COL1A1: variants seen among roughly 807,000 people sequenced by gnomAD.
The protein encoded by COL1A1 is collagen type I alpha 1 chain.
A neutral mutation model predicts 195.7 loss-of-function variants in COL1A1; 21 were observed. That is an observed-to-expected ratio of 0.11 (90% CI 0.08 to 0.15). COL1A1 has a LOEUF of 0.15. COL1A1 is among the 10% of genes least tolerant of loss of function. The pLI, the probability that COL1A1 is intolerant of heterozygous loss-of-function variation, is 1.00. For missense variants in COL1A1, 1,365 were observed against 2,051.0 expected, an observed-to-expected ratio of 0.67 and a Z score of 6.46; for synonymous variants, 749 against 747.3, an observed-to-expected ratio of 1.00 and a Z score of -0.04.
At chr17:50,193,639 A>C (rs751179369) in intron 25 of COL1A1, 1 of 387,864 alleles carries the variant, frequency 2.6e-6, no homozygotes, top group Non-Finnish European at 4.9e-6. Flanking sequence ...ACACCACCAC[A>C]CCCAGCTAAT....
Position 50,199,465 on chromosome 17 carries a change from G to A in COL1A1, c.334-12C>T, listed in dbSNP as rs1331653493. ...TCTCCCTTGGGTCCCTGTGGGATTGGGGGAGAAGAAACAAGAGGCCAGGTT... is the reference window on the plus strand; with the variant it reads ...TCTCCCTTGGGTCCCTGTGGGATTGAGGGAGAAGAAACAAGAGGCCAGGTT... On this transcript the variant is annotated splice_polypyrimidine_tract_variant and intron_variant, in intron 3 of 50. Coordinates refer to ENST00000225964, the MANE Select transcript of COL1A1 (RefSeq NM_000088.4). The A allele has an allele frequency of 6.2e-7, 1 of 1,614,198 alleles. No individual in the cohort carries two copies. The highest frequency in any genetic ancestry group is 8.5e-7 in the Non-Finnish European group (1 of 1,180,008).
At chr17:50,191,026 G>T (rs570137554) in intron 32 of COL1A1, 102 bp from the exon 33 acceptor site, 6 of 1,099,002 alleles carry the variant, frequency 5.5e-6, no homozygotes, top group East Asian at 5.0e-5. Context: ...CTGCAGCTCT[G>T]CCCTGCCTCC....
In COL1A1 at chr17:50,190,687, C is replaced by T; in HGVS notation, c.2344-91G>A. On this transcript the variant is annotated intron_variant, in intron 33 of 50. Coordinates refer to ENST00000225964, the MANE Select transcript of COL1A1 (RefSeq NM_000088.4). The surrounding 1 kb of genome is among the most constrained non-coding windows in gnomAD (Gnocchi z 4.7). Reference sequence around the variant, plus strand: ...AGGAGAGCCTCCCCTCCTTCTGGTCCCTCCAGGTTCCCAGGTTGACAGCTC... The same window carrying T: ...AGGAGAGCCTCCCCTCCTTCTGGTCTCTCCAGGTTCCCAGGTTGACAGCTC... 2 of 1,519,256 alleles carry T rather than the reference C, an allele frequency of 1.3e-6. No homozygotes were observed. The highest frequency in any genetic ancestry group is 1.8e-6 in the Non-Finnish European group (2 of 1,100,594). The allele number at this position is 1,519,256 out of a possible 1,614,324, so 94.1% of individuals were successfully genotyped here.
At chr17:50,192,739 G>C (rs1165711436) in intron 27 of COL1A1, 46 bp from the exon 28 acceptor site, 4 of 1,613,890 alleles carry the variant, frequency 2.5e-6, no homozygotes, top group Admixed American at 3.3e-5. Flanking sequence ...GAGGAGACGA[G>C]GGGCTGAGGG....
Position 50,191,778 on chromosome 17 carries a change from C to A in COL1A1, c.2127+10G>T, listed in dbSNP as rs954273760. 2.6e-6 allele frequency: 4 copies of A among 1,568,022 alleles called. No individual in the cohort carries two copies. The African/African-American group carries it at 4.1e-5, about 16-fold the overall frequency. Reference sequence around the variant, plus strand: ...GCCACTTGCCAGAGCCCCTTCCACGCTGCCCTCACCTTAGCACCATCGTTG... The same window carrying A: ...GCCACTTGCCAGAGCCCCTTCCACGATGCCCTCACCTTAGCACCATCGTTG... On this transcript the variant is annotated intron_variant, in intron 31 of 50. Transcript: ENST00000225964.
At chr17:50,191,511 C>A (rs1382931572) in intron 31 of COL1A1, 21 bp from the exon 32 acceptor site, 1 of 1,611,730 alleles carries the variant, frequency 6.2e-7, no homozygotes, top group Non-Finnish European at 8.5e-7. Context: ...ACCAAGAAGA[C>A]TGGAGTGAGG....
Position 50,184,156 on chromosome 17 carries a change from A to G in COL1A1, c.*1346T>C. ...CAATCAAAATAATTAAAAACATCTC[A>G]AATTATTATACACATACAAAATAGG... On this transcript the variant is annotated 3_prime_UTR_variant, in exon 51 of 51. Coordinates refer to ENST00000225964, the MANE Select transcript of COL1A1 (RefSeq NM_000088.4). The G allele has an allele frequency of 4.6e-6, 1 of 215,600 alleles. No individual in the cohort carries two copies. Among genetic ancestry groups the G allele is most frequent in the East Asian group, 6.9e-5 (1 of 14,558 alleles). The allele number at this position is 215,600 out of a possible 1,614,324, so 13.4% of individuals were successfully genotyped here.
intron 11 of COL1A1, 29 bp downstream of exon 11, chr17:50,196,981 G>A (rs1163739431): frequency 1.2e-6 from 2 of 1,613,018 alleles, no homozygotes; most frequent in Non-Finnish European, 1.7e-6. Context: ...AGGGACTTGG[G>A]GAGCTTAAAT....
In COL1A1 at chr17:50,189,606, C is replaced by T. The variant is rs1906885275; in HGVS notation, c.2668-68G>A. The T allele has an allele frequency of 1.2e-6, 2 of 1,611,400 alleles. No individual in the cohort carries two copies. Among genetic ancestry groups the T allele is most frequent in the Admixed American group, 1.7e-5 (1 of 59,760 alleles). ...GGTGCATCATTGGGTCCTCAGTCAG[C>T]CCCACCATCCTTCTGGCAGCCCCCA... On this transcript the variant is annotated intron_variant, in intron 38 of 50. Transcript: ENST00000225964. This position sits in a 1 kb window ranked among gnomAD's most constrained non-coding sequence, Gnocchi z 5.5.
intron 9 of COL1A1, among the ~76,000 whole-genome samples, 168 bp from the exon 10 acceptor site, chr17:50,197,401 C>T (rs574755608): frequency 3.9e-5 from 6 of 152,334 alleles, no homozygotes; most frequent in South Asian, 2.1e-4. Flanking sequence ...GTGAAACCTT[C>T]GTTTGGTGAA....
Position 50,191,713 on chromosome 17 carries a change from G to A in COL1A1, c.2127+75C>T, listed in dbSNP as rs373169459. 1.9e-3 allele frequency: 2,813 copies of A among 1,481,104 alleles called. 71 individuals are homozygous for A. In the South Asian group the frequency reaches 0.032, roughly 17 times the overall value. 91.7% of individuals were successfully genotyped at this position (1,481,104 alleles called of 1,614,324 possible). ...ATCTCCATGGCTTTGGTCATGGCCC[G>A]CCATCCCCTGCTGCAGGAGGGGTGA... On this transcript the variant is annotated intron_variant, in intron 31 of 50. Transcript: ENST00000225964.
At chr17:50,187,851 C>G in intron 45 of COL1A1, 25 bp downstream of exon 45, 1 of 1,560,092 alleles carries the variant, frequency 6.4e-7, no homozygotes, top group Non-Finnish European at 8.7e-7. Context: ...AGCATGGGGA[C>G]TGGGGAGGGG....
rs376223717 is a variant in COL1A1, at chr17:50,188,014, C to T, written c.3262-31G>A. 2.8e-5 allele frequency: 45 copies of T among 1,613,740 alleles called. No homozygotes were observed. The highest frequency in any genetic ancestry group is 1.1e-4 in the East Asian group (5 of 44,890). Reference sequence around the variant, plus strand: ...AGAGAGAAAGGGACAAACTGTCAGGCGGAAGTTCCATTGGCATCGAGTGGG... The same window carrying T: ...AGAGAGAAAGGGACAAACTGTCAGGTGGAAGTTCCATTGGCATCGAGTGGG... On this transcript the variant is annotated intron_variant, in intron 44 of 50. Coordinates refer to ENST00000225964, the MANE Select transcript of COL1A1 (RefSeq NM_000088.4). This position sits in a 1 kb window ranked among gnomAD's most constrained non-coding sequence, Gnocchi z 5.6.
chr17:50,199,178 A>C (rs1190848519), intron 5 of COL1A1, 48 bp downstream of exon 5: 5 of 1,430,224 alleles, frequency 3.5e-6, no homozygotes, highest in East Asian at 5.0e-5. Flanking sequence ...CTGCCAAAAA[A>C]CAAAAACAAA....
chr17:50,191,633 A>T, intron 31 of COL1A1, 143 bp from the exon 32 acceptor site: 1 of 1,102,988 alleles, frequency 9.1e-7, no homozygotes. Flanking sequence ...CACAGCCCAG[A>T]CTCCAGGCTG....
chr17:50,188,382 G>GT lies in COL1A1; in HGVS notation c.3207+147dup. The stretch of plus-strand genomic sequence containing the variant: ...GGACTTGGGGCTGAGCTTTAACTCA[G>GT]TTTTTTGGATTAAGGCCCTGACATC... On this transcript the variant is annotated intron_variant, in intron 43 of 50. Transcript: ENST00000225964. This position sits in a 1 kb window ranked among gnomAD's most constrained non-coding sequence, Gnocchi z 5.6. The GT allele has an allele frequency of 1.1e-6, 1 of 932,622 alleles. No homozygotes were observed. The highest frequency in any genetic ancestry group is 1.7e-6 in the Non-Finnish European group (1 of 599,734). The allele number at this position is 932,622 out of a possible 1,614,324, so 57.8% of individuals were successfully genotyped here.
rs759759248 is a variant in COL1A1 at position 50,188,736 on chromosome 17, T to C, written c.3099+6A>G. 2.5e-6 allele frequency: 4 copies of C among 1,613,884 alleles called. No individual in the cohort carries two copies. Among genetic ancestry groups the C allele is most frequent in the Non-Finnish European group, 2.5e-6 (3 of 1,179,944 alleles). On this transcript the variant is annotated splice_donor_region_variant and intron_variant, in intron 42 of 50. Coordinates refer to ENST00000225964, the MANE Select transcript of COL1A1 (RefSeq NM_000088.4). The surrounding 1 kb of genome is among the most constrained non-coding windows in gnomAD (Gnocchi z 5.6). Reference sequence around the variant, plus strand: ...AGGCTGTGGTCATGGAGTGTTGCCATCTTACCTTGGCGCCAGGAGAACCGT... The same window carrying C: ...AGGCTGTGGTCATGGAGTGTTGCCACCTTACCTTGGCGCCAGGAGAACCGT...
chr17:50,188,135 G>T lies in COL1A1; in HGVS notation c.3222C>A (p.Pro1074=). The change falls in exon 44 of 51, where the codon CCC becomes CCA. Residue 1074 remains proline, a synonymous_variant. Transcript: ENST00000225964. The surrounding 1 kb of genome is among the most constrained non-coding windows in gnomAD (Gnocchi z 5.6). The part of the protein sequence containing the change: ...GDRGETGPAG[P]AGPVGPVGAR... ...CGCCAACAGGGCCGACAGGACCGGC[G>T]GGACCAGCAGGACCCTGGGGAGAGC... 1 of 1,564,720 alleles carries T rather than the reference G, an allele frequency of 6.4e-7. No individual in the cohort carries two copies. The highest frequency in any genetic ancestry group is 2.4e-5 in the East Asian group (1 of 42,118).
In COL1A1 at chr17:50,186,049, G is replaced by A. The variant is rs1906493880; in HGVS notation, c.4006-29C>T. ...CAGGGGAGGGGAGAGAGGGAAGAGTGAGCCGCTATGCGGGAACCTCTAGTC... is the reference window on the plus strand; with the variant it reads ...CAGGGGAGGGGAGAGAGGGAAGAGTAAGCCGCTATGCGGGAACCTCTAGTC... On this transcript the variant is annotated intron_variant, in intron 49 of 50. Coordinates refer to ENST00000225964, the MANE Select transcript of COL1A1 (RefSeq NM_000088.4). This position sits in a 1 kb window ranked among gnomAD's most constrained non-coding sequence, Gnocchi z 5.3. 6.2e-7 allele frequency: 1 copy of A among 1,609,308 alleles called. No individual in the cohort carries two copies. The highest frequency in any genetic ancestry group is 1.3e-5 in the African/African-American group (1 of 74,904).
Sources: gnomAD v4.1 joint callset for allele counts (sites outside exome capture counted in the v4.1 genomes callset) on GRCh38, gnomAD v4.1.1 for gene constraint, Gnocchi (gnomAD v3.1) non-coding constraint, MANE v1.5 for transcripts, NCBI Gene and HGNC (gene_info 2026-07-23, HGNC 2026-07-21) for gene names.